Variants in TULP4 observed in about 807,000 individuals in gnomAD.
The protein encoded by TULP4 is TUB like protein 4, also known as tubby-related protein 4.
TULP4 carries 16 observed loss-of-function variants against 129.0 expected under a neutral mutation model. That is an observed-to-expected ratio of 0.12 (90% confidence interval 0.08 to 0.19). The LOEUF (loss-of-function observed/expected upper bound fraction) is 0.19. Among genes scored for constraint, TULP4 ranks in the 10% least tolerant of loss-of-function variants. TULP4 has a pLI of 1.00. For missense variants in TULP4, 1,842 were observed against 2,059.1 expected, an observed-to-expected ratio of 0.89 and a Z score of 2.04; for synonymous variants, 998 against 854.0, an observed-to-expected ratio of 1.17 and a Z score of -2.94.
At chr6:158,345,946 T>A (rs1349064995) in intron 1 of TULP4, among the ~76,000 whole-genome samples, 1 of 152,138 alleles carries the variant, frequency 6.6e-6, no homozygotes, top group Non-Finnish European at 1.5e-5. Flanking sequence ...ATGCAATCCT[T>A]TTCCCAGAGT....
intron 1 of TULP4, among the ~76,000 whole-genome samples, chr6:158,273,492 G>A (rs1778585869): frequency 6.6e-6 from 1 of 152,140 alleles, no homozygotes; most frequent in Non-Finnish European, 1.5e-5. Context: ...TCTATACTTT[G>A]ACTCCGAGGT....
intron 1 of TULP4, among the ~76,000 whole-genome samples, chr6:158,365,315 C>T (rs1780907315): frequency 6.6e-6 from 1 of 151,774 alleles, no homozygotes; most frequent in Non-Finnish European, 1.5e-5. Context: ...GGTGTTGTTT[C>T]TCCCCATCTA....
At chr6:158,280,842 C>T (rs1043776296), upstream of TULP4, among the ~76,000 whole-genome samples, 2 of 152,066 alleles carry the variant, frequency 1.3e-5, no homozygotes, top group African/African-American at 4.8e-5. Context: ...AGCACAGTGC[C>T]TGGGATGTTC....
chr6:158,480,218 T>C (rs536381239), intron 7 of TULP4, among the ~76,000 whole-genome samples: 10 of 152,400 alleles, frequency 6.6e-5, no homozygotes, highest in African/African-American at 2.4e-4. Context: ...CCTGGACTTC[T>C]GTGTCCCTCT....
At chr6:158,267,790 A>G (rs1330512022) in intron 1 of TULP4, among the ~76,000 whole-genome samples, 1 of 152,012 alleles carries the variant, frequency 6.6e-6, no homozygotes, top group Non-Finnish European at 1.5e-5. Context: ...TGGTATAGAC[A>G]TGTTTGTTGG....
At position 158,312,757 on chromosome 6, in the gene TULP4, G is replaced by A. The variant is rs1420977745; in HGVS notation, c.-1260G>A. 6.6e-6 allele frequency: 1 copy of A among 152,102 alleles called. No homozygotes were observed. The highest frequency in any genetic ancestry group is 6.6e-5 in the Admixed American group (1 of 15,264). The allele number at this position is 152,102 out of a possible 1,614,324, so 9.4% of individuals were successfully genotyped here. On this transcript the variant is annotated 5_prime_UTR_variant, in exon 1 of 14. Transcript: ENST00000367097. The stretch of plus-strand genomic sequence containing the variant: ...CCAATAATTATTAAATAAATATCAA[G>A]GAAAATCCAAGCAAAGCTTTCTTTT...
intron 1 of TULP4, among the ~76,000 whole-genome samples, chr6:158,361,412 T>C (rs991478094): frequency 5.3e-5 from 8 of 152,356 alleles, no homozygotes; most frequent in African/African-American, 1.9e-4. Context: ...AATAGCAATG[T>C]GTTGTCCCTT....
chr6:158,344,340 C>A (rs6936642), intron 1 of TULP4, among the ~76,000 whole-genome samples: 1 of 152,182 alleles, frequency 6.6e-6, no homozygotes, highest in African/African-American at 2.4e-5. Context: ...TTCACACAGA[C>A]GTGTGAGACA....
At chr6:158,464,187 G>A (rs1779504555) in intron 6 of TULP4, among the ~76,000 whole-genome samples, 1 of 152,192 alleles carries the variant, frequency 6.6e-6, no homozygotes, top group African/African-American at 2.4e-5. Context: ...AATATGTGAT[G>A]TGCCTTAGGT....
At chr6:158,466,240 GC>G (rs1285157139) in intron 6 of TULP4, among the ~76,000 whole-genome samples, 3 of 152,118 alleles carry the variant, frequency 2.0e-5, no homozygotes, top group Non-Finnish European at 4.4e-5. Context: ...GGTTTCCTTG[GC>G]CAAGAGAGTC....
chr6:158,336,723 ATAAC>A (rs1302835307), intron 1 of TULP4, among the ~76,000 whole-genome samples: 1 of 152,334 alleles, frequency 6.6e-6, no homozygotes, highest in African/African-American at 2.4e-5. Context: ...GAACAGAGAG[ATAAC>A]TAACTATTCA....
Position 158,502,005 on chromosome 6 carries a change from G to A in TULP4, c.2342G>A (p.Gly781Glu). The A allele has an allele frequency of 6.2e-7, 1 of 1,613,502 alleles. No homozygotes were observed. The highest frequency in any genetic ancestry group is 8.5e-7 in the Non-Finnish European group (1 of 1,179,904). Reference sequence around the variant, plus strand: ...CTGTCCCTGCCTCCCCCGCCGCAGGGGCCCATGCAGCTGTCCACGGTGGGC... The same window carrying A: ...CTGTCCCTGCCTCCCCCGCCGCAGGAGCCCATGCAGCTGTCCACGGTGGGC... ...PPLSLPPPPQGPMQLSTVGHG... is the reference protein window; with the variant it reads ...PPLSLPPPPQEPMQLSTVGHG... The change falls in exon 13 of 14, where the codon GGG becomes GAG. Residue 781 changes from glycine to glutamate, a missense_variant. Around this residue, in one of 5 missense-constraint regions of TULP4, gnomAD observed 1,089 missense variants for 987.1 expected, o/e 1.10. Transcript: ENST00000367097.
chr6:158,385,546 A>T (rs897180305), intron 1 of TULP4, among the ~76,000 whole-genome samples: 1 of 152,120 alleles, frequency 6.6e-6, no homozygotes, highest in East Asian at 1.9e-4. Flanking sequence ...TGGTGATACT[A>T]TCTGTGTCAA....
intron 3 of TULP4, among the ~76,000 whole-genome samples, chr6:158,445,709 C>T (rs1298252453): frequency 1.3e-5 from 2 of 152,184 alleles, no homozygotes; most frequent in African/African-American, 4.8e-5. Flanking sequence ...GCACAAGCCT[C>T]AGTCCTTGCT....
intron 1 of TULP4, among the ~76,000 whole-genome samples, chr6:158,328,478 G>C (rs1054939295): frequency 6.6e-6 from 1 of 152,140 alleles, no homozygotes; most frequent in Non-Finnish European, 1.5e-5. Context: ...TGCTGTGCCT[G>C]AGATTCCCAA....
chr6:158,386,607 C>T (rs1011085752), intron 1 of TULP4, among the ~76,000 whole-genome samples: 3 of 152,034 alleles, frequency 2.0e-5, no homozygotes, highest in African/African-American at 7.2e-5. Context: ...TCTTTAATTC[C>T]TTGACTGTAA....
At chr6:158,255,170 G>A (rs1778221786) in intron 1 of TULP4, among the ~76,000 whole-genome samples, 1 of 152,134 alleles carries the variant, frequency 6.6e-6, no homozygotes, top group African/African-American at 2.4e-5. Flanking sequence ...ATCCTGTCAT[G>A]TTTATGAATC....
At chr6:158,467,354 A>G (rs975368236) in intron 6 of TULP4, among the ~76,000 whole-genome samples, 3 of 145,198 alleles carry the variant, frequency 2.1e-5, no homozygotes, top group Non-Finnish European at 4.5e-5. Context: ...ATCAGCGTTC[A>G]CTGCAACCTC....
upstream of TULP4, among the ~76,000 whole-genome samples, chr6:158,279,104 ATT>A (rs1254228822): frequency 6.9e-6 from 1 of 145,296 alleles, no homozygotes. Flanking sequence ...TGCCCGGCTA[ATT>A]TTTTTTTTTG....
Sources: allele counts gnomAD v4.1 joint callset (sites outside exome capture counted in the v4.1 genomes callset), GRCh38; gene constraint gnomAD v4.1.1; regional missense constraint gnomAD v4.1.1; transcripts MANE v1.5; gene names NCBI Gene and HGNC (gene_info 2026-07-23, HGNC 2026-07-21).